The following SOX6 variants were observed in gnomAD, a reference collection of about 807,000 sequenced individuals.
The protein encoded by SOX6 is transcription factor SOX-6.
SOX6 carries 11 observed loss-of-function variants against 97.8 expected under a neutral mutation model. The ratio of observed to expected loss-of-function variants is 0.11; its 90% confidence interval spans 0.07 to 0.19. The LOEUF is 0.19. Ranked by LOEUF, SOX6 falls within the 10% of genes least tolerant of loss-of-function variation. The probability of loss-of-function intolerance (pLI) is 1.00; values close to 1 mark genes in which losing one functional copy is unlikely to be tolerated. For missense variants in SOX6, 810 were observed against 1,039.5 expected (o/e 0.78, Z 3.04); for synonymous variants, 360 against 371.4 (o/e 0.97, Z 0.35).
intron 4 of SOX6, among the ~76,000 whole-genome samples, chr11:16,225,317 C>T (rs1482061730): frequency 2.0e-5 from 3 of 151,134 alleles, no homozygotes; most frequent in Admixed American, 6.6e-5. Flanking sequence ...TTTTTAAGTT[C>T]CACCAGATAT....
At chr11:16,435,467 C>T (rs1298676361) in intron 1 of SOX6, among the ~76,000 whole-genome samples, 1 of 151,950 alleles carries the variant, frequency 6.6e-6, no homozygotes, top group Admixed American at 6.6e-5. Context: ...TGTAATAATA[C>T]CGTCTATTAG....
chr11:16,584,544 C>T (rs541364699), intron 4 of SOX6, among the ~76,000 whole-genome samples: 1 of 152,260 alleles, frequency 6.6e-6, no homozygotes, highest in East Asian at 1.9e-4. Flanking sequence ...GTCCTTTTTC[C>T]ACTGCTGCCC....
intron 3 of SOX6, among the ~76,000 whole-genome samples, chr11:16,711,965 A>G (rs773554051): frequency 1.3e-5 from 2 of 152,064 alleles, no homozygotes; most frequent in Non-Finnish European, 2.9e-5. Context: ...AGAACAGATG[A>G]TGTTTGGTTT....
At chr11:16,329,735 A>G (rs1856224791) in intron 2 of SOX6, among the ~76,000 whole-genome samples, 1 of 152,192 alleles carries the variant, frequency 6.6e-6, no homozygotes, top group African/African-American at 2.4e-5. Context: ...GTGATAATTA[A>G]ATGGTGGTGG....
intron 1 of SOX6, among the ~76,000 whole-genome samples, chr11:16,455,507 G>A (rs1859796088): frequency 1.3e-5 from 2 of 151,906 alleles, no homozygotes; most frequent in Admixed American, 6.6e-5. Flanking sequence ...AACCCGAAAG[G>A]GGCTGGGCTA....
chr11:16,598,725 T>G (rs1290448702), intron 4 of SOX6, among the ~76,000 whole-genome samples: 1 of 152,104 alleles, frequency 6.6e-6, no homozygotes, highest in Admixed American at 6.5e-5. Flanking sequence ...GAAGCATCTT[T>G]AATTTTCTTT....
chr11:16,366,230 C>T (rs1353732830), intron 1 of SOX6, among the ~76,000 whole-genome samples: 1 of 152,088 alleles, frequency 6.6e-6, no homozygotes, highest in Non-Finnish European at 1.5e-5. Context: ...ATTTCATTTG[C>T]CATCTTTCAT....
intron 1 of SOX6, among the ~76,000 whole-genome samples, chr11:16,425,462 C>T (rs535356405): frequency 4.6e-5 from 7 of 152,242 alleles, no homozygotes; most frequent in African/African-American, 1.7e-4. Flanking sequence ...GAAGTCCTGG[C>T]CAGGGCAATC....
chr11:16,467,043 T>G (rs1364318363), intron 1 of SOX6, among the ~76,000 whole-genome samples: 1 of 150,148 alleles, frequency 6.7e-6, no homozygotes, highest in African/African-American at 2.5e-5. Context: ...GAAAAAAAAG[T>G]TCAACATCAC....
chr11:16,641,733 G>T (rs1848917898), intron 3 of SOX6, among the ~76,000 whole-genome samples: 2 of 152,078 alleles, frequency 1.3e-5, no homozygotes, highest in Non-Finnish European at 2.9e-5. Flanking sequence ...TGCAACCCCT[G>T]CCTTTTTTTG....
intron 4 of SOX6, among the ~76,000 whole-genome samples, chr11:16,203,587 A>T (rs1297532617): frequency 1.3e-5 from 2 of 152,190 alleles, no homozygotes. Flanking sequence ...TGAGCTAAAT[A>T]TAAACATCTG....
At chr11:16,155,082 A>C (rs1850562743) in intron 6 of SOX6, among the ~76,000 whole-genome samples, 1 of 152,078 alleles carries the variant, frequency 6.6e-6, no homozygotes, top group African/African-American at 2.4e-5. Flanking sequence ...TTTTCTTTAG[A>C]AATTATTTCC....
intron 1 of SOX6, among the ~76,000 whole-genome samples, chr11:16,388,944 AT>A (rs1373656188): frequency 1.3e-5 from 2 of 151,728 alleles, no homozygotes; most frequent in East Asian, 1.9e-4. Flanking sequence ...TATTTCTTCA[AT>A]TTTTTTCCCT....
intron 1 of SOX6, among the ~76,000 whole-genome samples, chr11:16,374,901 C>T (rs66705712): frequency 0.31 from 47,388 of 151,840 alleles, 8,348 homozygotes; most frequent in Non-Finnish European, 0.4. Flanking sequence ...CTTCTCTCCA[C>T]GATCATTTTT....
intron 3 of SOX6, among the ~76,000 whole-genome samples, chr11:16,631,599 G>A (rs573145537): frequency 2.0e-4 from 30 of 152,210 alleles, no homozygotes; most frequent in Admixed American, 6.5e-4. Context: ...GTGTTCTCTG[G>A]ATTTCTTGGA....
intron 13 of SOX6, among the ~76,000 whole-genome samples, chr11:15,990,513 A>C (rs1854015903): frequency 6.6e-6 from 1 of 152,060 alleles, no homozygotes; most frequent in Non-Finnish European, 1.5e-5. Flanking sequence ...AGGATTCAAT[A>C]AAGTACTTGG....
intron 1 of SOX6, among the ~76,000 whole-genome samples, chr11:16,469,293 G>T (rs1860100230): frequency 1.3e-5 from 2 of 151,796 alleles, no homozygotes; most frequent in African/African-American, 4.8e-5. Context: ...TTCAGGGACT[G>T]GTCCAAAAAG....
At chr11:16,695,735 C>A (rs1264163387) in intron 3 of SOX6, among the ~76,000 whole-genome samples, 5 of 152,074 alleles carry the variant, frequency 3.3e-5, no homozygotes, top group Admixed American at 3.3e-4. Context: ...CAGGCCTATA[C>A]TCCACTCTTT....
At chr11:16,021,244 GT>G (rs1855051011) in intron 12 of SOX6, among the ~76,000 whole-genome samples, 1 of 152,200 alleles carries the variant, frequency 6.6e-6, no homozygotes, top group African/African-American at 2.4e-5. Flanking sequence ...GGTTTGTTTT[GT>G]TTTGAAAGCA....
Sources: gnomAD v4.1 joint callset for allele counts (sites outside exome capture counted in the v4.1 genomes callset) on GRCh38, gnomAD v4.1.1 for gene constraint, MANE v1.5 for transcripts, NCBI Gene and HGNC (gene_info 2026-07-23, HGNC 2026-07-21) for gene names.